The following VPS13D variants were observed in gnomAD, a reference collection of about 807,000 sequenced individuals.
VPS13D encodes the protein intermembrane lipid transfer protein VPS13D.
A neutral mutation model predicts 461.9 loss-of-function variants in VPS13D; 187 were observed. The ratio of observed to expected loss-of-function variants is 0.40; its 90% CI spans 0.36 to 0.46. The LOEUF is 0.46. Ranked by LOEUF, VPS13D falls within the 20% of genes least tolerant of loss-of-function variation. VPS13D has a pLI of 0.60. For synonymous variants in VPS13D, 1,951 were observed against 1,986.3 expected (o/e 0.98, Z 0.47); for missense variants, 4,711 against 5,364.9 (o/e 0.88, Z 3.81).
At chr1:12,375,013 C>T (rs1644179510) in intron 55 of VPS13D, among the ~76,000 whole-genome samples, 1 of 152,230 alleles carries the variant, frequency 6.6e-6, no homozygotes, top group Admixed American at 6.5e-5. Flanking sequence ...GCTGGGATTA[C>T]AGGCCTGAGC....
chr1:12,256,077 G>A (rs761122212), intron 7 of VPS13D, among the ~76,000 whole-genome samples: 14 of 152,134 alleles, frequency 9.2e-5, no homozygotes, highest in Non-Finnish European at 1.8e-4. Context: ...ACTCATGCCT[G>A]TAATCTCAGC....
intron 65 of VPS13D, among the ~76,000 whole-genome samples, chr1:12,423,168 C>T (rs1020354910): frequency 6.6e-6 from 1 of 152,152 alleles, no homozygotes; most frequent in Non-Finnish European, 1.5e-5. Context: ...ATCAGAATTA[C>T]CTGGTCAGTA....
In VPS13D at chr1:12,243,320, A is replaced by G. The variant is rs576187565; in HGVS notation, c.175+730A>G. Among the ~76,000 whole-genome samples, 3 of 152,286 alleles carry G rather than the reference A, an allele frequency of 2.0e-5. No homozygotes were observed. In the East Asian group the frequency reaches 5.8e-4, roughly 29 times the overall value. ...TGCTTTGTCACCCAGGCTGGAGTAC[A>G]GGGATGCTATCATAGCTCACTACAG... On this transcript the variant is annotated intron_variant, in intron 3 of 69. Transcript: ENST00000620676.
intron 16 of VPS13D, among the ~76,000 whole-genome samples, chr1:12,270,624 C>T (rs1032640083): frequency 1.3e-5 from 2 of 152,168 alleles, no homozygotes; most frequent in Non-Finnish European, 2.9e-5. Context: ...CTCCTCTCCC[C>T]CCATGGCTGT....
At position 12,257,983 on chromosome 1, in the gene VPS13D, C is replaced by T; in HGVS notation, c.990C>T (p.Ile330=). The T allele has an allele frequency of 1.2e-6, 2 of 1,614,140 alleles. No individual in the cohort carries two copies. Among genetic ancestry groups the T allele is most frequent in the Non-Finnish European group, 1.7e-6 (2 of 1,180,022 alleles). The part of the protein sequence containing the change: ...YFALNANLYE[I]REQRKRCTWD... The stretch of plus-strand genomic sequence containing the variant: ...CTTTGAATGCTAACTTGTATGAGAT[C>T]AGAGAGCAGAGGAAACGTTGCACCT... The change falls in exon 10 of 70, where the codon ATC becomes ATT. Residue 330 remains isoleucine, a synonymous_variant. Coordinates refer to ENST00000620676, the MANE Select transcript of VPS13D (RefSeq NM_015378.4).
Position 12,505,344 on chromosome 1 carries a change from G to A in VPS13D, c.12795-1509G>A, listed in dbSNP as rs371000857. Among the ~76,000 whole-genome samples, 16 of 152,364 alleles carry A rather than the reference G, an allele frequency of 1.1e-4. No homozygotes were observed. The East Asian group carries it at 2.5e-3, about 24-fold the overall frequency. ...CTGCCGCTCTCAATGCGGTTAGAGCGCAAGATGTGAGAACGTCTGTGCTGA... is the reference window on the plus strand; with the variant it reads ...CTGCCGCTCTCAATGCGGTTAGAGCACAAGATGTGAGAACGTCTGTGCTGA... On this transcript the variant is annotated intron_variant, in intron 68 of 69. Coordinates refer to ENST00000620676, the MANE Select transcript of VPS13D (RefSeq NM_015378.4). The surrounding 1 kb of genome is among the most constrained non-coding windows in gnomAD (Gnocchi z 4.2).
chr1:12,433,241 A>C (rs1645015646), intron 65 of VPS13D, among the ~76,000 whole-genome samples: 1 of 151,618 alleles, frequency 6.6e-6, no homozygotes, highest in South Asian at 2.1e-4. Flanking sequence ...TTTTCGCTTT[A>C]ATCTGGAACG....
At chr1:12,327,112 C>G (rs1016743339) in intron 35 of VPS13D, among the ~76,000 whole-genome samples, 6 of 152,166 alleles carry the variant, frequency 3.9e-5, no homozygotes, top group Non-Finnish European at 5.9e-5. Context: ...CCTGTCAGTC[C>G]TTTTAAGTGG....
intron 60 of VPS13D, among the ~76,000 whole-genome samples, chr1:12,389,634 T>C (rs1248816142): frequency 6.6e-6 from 1 of 152,254 alleles, no homozygotes; most frequent in African/African-American, 2.4e-5. Context: ...ATTGCAGTCC[T>C]TGTTTCTGCA....
intron 2 of VPS13D, among the ~76,000 whole-genome samples, chr1:12,240,313 G>A (rs1412342434): frequency 1.3e-5 from 2 of 152,058 alleles, no homozygotes; most frequent in Non-Finnish European, 2.9e-5. Flanking sequence ...AGGTGGTTCG[G>A]GCTGGGTGCG....
intron 46 of VPS13D, among the ~76,000 whole-genome samples, chr1:12,353,214 A>G (rs1412090073): frequency 6.6e-6 from 1 of 152,060 alleles, no homozygotes; most frequent in Non-Finnish European, 1.5e-5. Flanking sequence ...AACATGGCTG[A>G]ATCTTGTTGA....
At chr1:12,356,257 C>A in intron 48 of VPS13D, 141 bp from the exon 49 acceptor site, 1 of 1,392,788 alleles carries the variant, frequency 7.2e-7, no homozygotes, top group South Asian at 1.5e-5. Context: ...TCAAAACTGT[C>A]TTTTTAGGCA....
chr1:12,368,006 A>AGT (rs1224257936), intron 52 of VPS13D, among the ~76,000 whole-genome samples: 1 of 152,130 alleles, frequency 6.6e-6, no homozygotes, highest in African/African-American at 2.4e-5. Flanking sequence ...CCTGGGCTAA[A>AGT]GTGATCCTCC....
At chr1:12,408,023 T>C (rs1644677492) in intron 63 of VPS13D, among the ~76,000 whole-genome samples, 1 of 152,174 alleles carries the variant, frequency 6.6e-6, no homozygotes, top group African/African-American at 2.4e-5. Context: ...TTTATGACTC[T>C]AAGCAAAGCA....
intron 20 of VPS13D, among the ~76,000 whole-genome samples, chr1:12,281,766 A>G (rs1183210267): frequency 5.3e-5 from 8 of 152,222 alleles, no homozygotes; most frequent in African/African-American, 1.7e-4. Flanking sequence ...TCGATGGCAC[A>G]CATTATTTAA....
Position 12,276,163 on chromosome 1 carries a change from G to A in VPS13D, c.2575G>A (p.Glu859Lys). 2 of 1,614,210 alleles carry A rather than the reference G, an allele frequency of 1.2e-6. No homozygotes were observed. The highest frequency in any genetic ancestry group is 2.2e-5 in the East Asian group (1 of 44,880). Residue 859 changes from glutamate (E) to lysine (K), a missense_variant, in exon 19 of 70, where the codon GAG (glutamate) becomes AAG (lysine). This residue lies in a region of VPS13D where 4,411 missense variants were observed against 4,937.8 expected (regional missense o/e 0.89). Transcript: ENST00000620676. This position sits in a 1 kb window ranked among gnomAD's most constrained non-coding sequence, Gnocchi z 4.5. ...VEKFNVHLQLERRLIYTSDPK... is the reference protein window; with the variant it reads ...VEKFNVHLQLKRRLIYTSDPK... ...GAAGTTCAACGTTCACCTACAGTTA[G>A]AGCGTCGATTGATTTATACTTCAGA...
chr1:12,399,197 G>C (rs1307526665), intron 60 of VPS13D, among the ~76,000 whole-genome samples: 1 of 150,038 alleles, frequency 6.7e-6, no homozygotes. Flanking sequence ...TCAAATAGTT[G>C]ATTTTTTTTT....
chr1:12,272,567 T>G (rs1342463694), intron 17 of VPS13D, among the ~76,000 whole-genome samples: 1 of 152,140 alleles, frequency 6.6e-6, no homozygotes, highest in Non-Finnish European at 1.5e-5. Flanking sequence ...AAATCATGAA[T>G]TGGTGTGTTA....
chr1:12,288,129 C>CT (rs1273486667), intron 21 of VPS13D, 94 bp from the exon 22 acceptor site: 2 of 1,089,226 alleles, frequency 1.8e-6, no homozygotes, highest in East Asian at 2.4e-5. Flanking sequence ...TTTCCCAAGC[C>CT]TTTTTGCATT....
Sources: gnomAD v4.1 joint callset for allele counts (sites outside exome capture counted in the v4.1 genomes callset) on GRCh38, gnomAD v4.1.1 for gene constraint, gnomAD v4.1.1 regional missense constraint, Gnocchi (gnomAD v3.1) non-coding constraint, MANE v1.5 for transcripts, NCBI Gene and HGNC (gene_info 2026-07-23, HGNC 2026-07-21) for gene names.